The following NBN variants were observed in gnomAD, a reference collection of about 807,000 sequenced individuals.
NBN encodes the protein nibrin.
A neutral mutation model predicts 90.8 loss-of-function variants in NBN; 88 were observed. The ratio of observed to expected loss-of-function variants is 0.97; its 90% confidence interval spans 0.82 to 1.16. NBN has a LOEUF of 1.16. NBN is among the 50% of genes most tolerant of loss of function. NBN has a pLI of 0.00. For synonymous variants in NBN, 328 were observed against 295.1 expected (o/e 1.11, Z -1.14); for missense variants, 894 against 869.6 (o/e 1.03, Z -0.35).
intron 5 of NBN, among the ~76,000 whole-genome samples, chr8:89,977,672 C>A (rs1341826611): frequency 6.6e-6 from 1 of 152,168 alleles, no homozygotes; most frequent in Non-Finnish European, 1.5e-5. Flanking sequence ...AATGGTTGAA[C>A]TAATTTACAC....
intron 14 of NBN, among the ~76,000 whole-genome samples, chr8:89,939,069 T>C (rs2735388): frequency 3.3e-5 from 5 of 152,058 alleles, no homozygotes; most frequent in Admixed American, 2.6e-4. Context: ...TCAAATCAGG[T>C]TGGATACAGT....
At chr8:89,961,939 G>T (rs573261190) in intron 8 of NBN, among the ~76,000 whole-genome samples, 1 of 152,154 alleles carries the variant, frequency 6.6e-6, no homozygotes, top group Non-Finnish European at 1.5e-5. Flanking sequence ...CTGTGAGAAG[G>T]GGACAGTCAC....
chr8:89,944,627 C>T (rs1218881468), intron 13 of NBN, among the ~76,000 whole-genome samples: 1 of 152,120 alleles, frequency 6.6e-6, no homozygotes, highest in Non-Finnish European at 1.5e-5. Context: ...ATACCTGGCC[C>T]GGCACAGTGG....
chr8:89,966,919 T>C (rs540097936), intron 7 of NBN, among the ~76,000 whole-genome samples: 3 of 152,254 alleles, frequency 2.0e-5, no homozygotes, highest in Admixed American at 2.0e-4. Flanking sequence ...TAAAAACAAA[T>C]GTCAAAAACA....
intron 7 of NBN, among the ~76,000 whole-genome samples, chr8:89,968,245 A>G (rs1314715941): frequency 5.9e-5 from 9 of 151,992 alleles, no homozygotes; most frequent in Admixed American, 6.6e-5. Context: ...GAGTGAAACC[A>G]TGTCTCAACA....
chr8:89,940,465 T>C (rs1268750934), intron 14 of NBN, among the ~76,000 whole-genome samples: 1 of 152,082 alleles, frequency 6.6e-6, no homozygotes, highest in Non-Finnish European at 1.5e-5. Context: ...AGAAGTAATT[T>C]TGATTATACT....
At chr8:89,954,524 A>G (rs1406806688) in intron 10 of NBN, among the ~76,000 whole-genome samples, 1 of 151,970 alleles carries the variant, frequency 6.6e-6, no homozygotes, top group Admixed American at 6.6e-5. Flanking sequence ...TAACAACATA[A>G]GCTATTTTAC....
chr8:89,965,341 G>A (rs1811204453), intron 7 of NBN, among the ~76,000 whole-genome samples: 1 of 152,122 alleles, frequency 6.6e-6, no homozygotes, highest in African/African-American at 2.4e-5. Flanking sequence ...CACATTAAAG[G>A]AATCTTATGG....
In NBN at chr8:89,943,241, C is replaced by T. The variant is rs1402547304; in HGVS notation, c.2184+12G>A. The T allele has an allele frequency of 6.2e-7, 1 of 1,613,598 alleles. No individual in the cohort carries two copies. Among genetic ancestry groups the T allele is most frequent in the South Asian group, 1.1e-5 (1 of 91,074 alleles). On this transcript the variant is annotated intron_variant, in intron 14 of 15. Coordinates refer to ENST00000265433, the MANE Select transcript of NBN (RefSeq NM_002485.5). ...AATTTAAGCAAGTTTCTGGGCCTCACTTCCTACTAACCTCCATTTCCTGCC... is the reference window on the plus strand; with the variant it reads ...AATTTAAGCAAGTTTCTGGGCCTCATTTCCTACTAACCTCCATTTCCTGCC...
chr8:89,974,768 C>T (rs935945075), intron 5 of NBN, among the ~76,000 whole-genome samples: 4 of 152,190 alleles, frequency 2.6e-5, no homozygotes, highest in East Asian at 1.9e-4. Context: ...CTTCATCCCT[C>T]GAGGTTTCTC....
rs958101590 is a variant in NBN, at chr8:89,935,179, T to C, written c.*403A>G. The C allele has an allele frequency of 5.7e-5, 15 of 265,236 alleles. 1 individual carries two copies. Among genetic ancestry groups the C allele is most frequent in the South Asian group, 4.7e-4 (5 of 10,622 alleles). The allele number at this position is 265,236 out of a possible 1,614,324, so 16.4% of individuals were successfully genotyped here. The stretch of plus-strand genomic sequence containing the variant: ...ATTTGTGTAGGAAATTATTTAAAAA[T>C]AGGAATTTGAATAGGACTCAAAAAT... On this transcript the variant is annotated 3_prime_UTR_variant, in exon 16 of 16. Transcript: ENST00000265433.
Position 89,953,443 on chromosome 8 carries a change from T to C in NBN, c.1646A>G (p.Lys549Arg). The change falls in exon 11 of 16, where the codon AAA becomes AGA. Residue 549 changes from lysine to arginine, a missense_variant. By Grantham distance (26) the Lys-to-Arg change is conservative. Coordinates refer to ENST00000265433, the MANE Select transcript of NBN (RefSeq NM_002485.5). ...GGCCACATCATCCATTTCCCTTTTTTTATTTGATCTTAGCTTTTCTGCAGC... is the reference window on the plus strand; with the variant it reads ...GGCCACATCATCCATTTCCCTTTTTCTATTTGATCTTAGCTTTTCTGCAGC... Reference protein sequence around the residue: ...SHAAEKLRSNKKREMDDVAIE... With the variant: ...SHAAEKLRSNRKREMDDVAIE... 6.2e-7 allele frequency: 1 copy of C among 1,613,874 alleles called. No individual in the cohort carries two copies. The highest frequency in any genetic ancestry group is 1.1e-5 in the South Asian group (1 of 91,074).
intron 14 of NBN, among the ~76,000 whole-genome samples, chr8:89,941,253 A>G (rs147057704): frequency 6.6e-5 from 10 of 152,314 alleles, no homozygotes; most frequent in Non-Finnish European, 1.3e-4. Context: ...ATGGAGAATG[A>G]TCAACACTGA....
At chr8:89,978,775 C>G (rs1811898213) in intron 4 of NBN, among the ~76,000 whole-genome samples, 1 of 152,078 alleles carries the variant, frequency 6.6e-6, no homozygotes, top group South Asian at 2.1e-4. Context: ...AAGATTGTAA[C>G]TATGCAATAA....
chr8:89,967,823 G>T (rs1317104280), intron 7 of NBN, among the ~76,000 whole-genome samples: 10 of 152,100 alleles, frequency 6.6e-5, no homozygotes, highest in African/African-American at 2.2e-4. Context: ...TCACAATGTT[G>T]CCCTGTTGAA....
intron 7 of NBN, among the ~76,000 whole-genome samples, chr8:89,969,501 T>A (rs974866423): frequency 6.6e-6 from 1 of 152,252 alleles, no homozygotes; most frequent in Non-Finnish European, 1.5e-5. Context: ...TAACACTACT[T>A]TGTTAATTTA....
In NBN at chr8:89,984,553, T is replaced by C; in HGVS notation, c.9A>G (p.Lys3=). The C allele has an allele frequency of 6.2e-7, 1 of 1,613,160 alleles. No homozygotes were observed. The highest frequency in any genetic ancestry group is 1.7e-5 in the Admixed American group (1 of 60,026). MW[K]LLPAAGPAGG... ...CTGCCGGGCCCGCGGCGGGCAGCAG[T>C]TTCCACATCGGTCCGGCTCCTCAGG... The change falls in exon 1 of 16, where the codon AAA becomes AAG. Residue 3 remains lysine (K), a synonymous_variant. Coordinates refer to ENST00000265433, the MANE Select transcript of NBN (RefSeq NM_002485.5).
intron 14 of NBN, 194 bp from the exon 15 acceptor site, chr8:89,937,269 G>A (rs1809736343): frequency 1.7e-6 from 1 of 587,942 alleles, no homozygotes; most frequent in African/African-American, 1.9e-5. Flanking sequence ...TATTACAAAA[G>A]AGCTCTAACT....
rs564562353 is a variant in NBN, at chr8:89,944,644, CTTGGCT to C, written c.2071-1284_2071-1279del. Among the ~76,000 whole-genome samples, 966 of 152,282 alleles carry C rather than the reference CTTGGCT, an allele frequency of 6.3e-3. 2 individuals are homozygous for C. The highest frequency in any genetic ancestry group is 9.1e-3 in the Non-Finnish European group (617 of 68,014). ...ACCTGGCCCGGCACAGTGGTGTAAT[CTTGGCT>C]CACTGCAACCTCCGCCTCCTGGGCT... is the stretch of plus-strand genomic sequence containing the variant. On this transcript the variant is annotated intron_variant, in intron 13 of 15. Transcript: ENST00000265433.
Sources: allele counts gnomAD v4.1 joint callset (sites outside exome capture counted in the v4.1 genomes callset), GRCh38; gene constraint gnomAD v4.1.1; transcripts MANE v1.5; gene names NCBI Gene and HGNC (gene_info 2026-07-23, HGNC 2026-07-21).